Variants in CNTN4 observed in about 807,000 individuals in gnomAD.
The protein encoded by CNTN4 is contactin 4, also known as contactin-4.
In CNTN4, 77 loss-of-function variants were observed where a neutral mutation model predicts 122.5. That is an observed-to-expected ratio of 0.63 (90% CI 0.52 to 0.76). The LOEUF is 0.76. Ranked by LOEUF, CNTN4 falls within the 30% of genes least tolerant of loss-of-function variation. CNTN4 has a pLI of 0.00. For missense variants in CNTN4, 1,256 were observed against 1,259.1 expected, an observed-to-expected ratio of 1.00 and a Z score of 0.04; for synonymous variants, 512 against 447.0, an observed-to-expected ratio of 1.15 and a Z score of -1.83.
intron 2 of CNTN4, among the ~76,000 whole-genome samples, chr3:2,337,092 G>A (rs2043983560): frequency 6.6e-6 from 1 of 151,960 alleles, no homozygotes; most frequent in Non-Finnish European, 1.5e-5. Context: ...GCCTTCTTGG[G>A]GTCAGTCCCA....
chr3:2,495,246 G>A (rs1057485884), intron 3 of CNTN4, among the ~76,000 whole-genome samples: 6 of 152,118 alleles, frequency 3.9e-5, no homozygotes, highest in African/African-American at 1.4e-4. Context: ...AAATTGCCAA[G>A]TAGGAAATAA....
chr3:2,654,281 G>A (rs1031573317), intron 4 of CNTN4, among the ~76,000 whole-genome samples: 3 of 152,120 alleles, frequency 2.0e-5, no homozygotes, highest in Non-Finnish European at 4.4e-5. Flanking sequence ...TGTTTGTTGA[G>A]AATACTGTCT....
At position 2,561,126 on chromosome 3, in the gene CNTN4, A is replaced by C. The variant is rs973127319; in HGVS notation, c.-88-10290A>C. Among the ~76,000 whole-genome samples the C allele has an allele frequency of 1.8e-4, 28 of 152,284 alleles. 1 individual carries two copies. The highest frequency in any genetic ancestry group is 5.5e-4 in the African/African-American group (23 of 41,560). On this transcript the variant is annotated intron_variant, in intron 3 of 24. Coordinates refer to ENST00000418658, the MANE Select transcript of CNTN4 (RefSeq NM_175607.3). ...AAGTCACACGGTTCTTGCCACTTTT[A>C]ATCTGACACCTAATATATTAGGTAT...
At chr3:2,870,495 A>G (rs971283208) in intron 8 of CNTN4, among the ~76,000 whole-genome samples, 1 of 152,196 alleles carries the variant, frequency 6.6e-6, no homozygotes, top group Non-Finnish European at 1.5e-5. Context: ...TCAAGAAGAG[A>G]TTGCAAAATA....
At chr3:3,037,411 A>C (rs1393719130) in intron 18 of CNTN4, 83 bp downstream of exon 18, 22 of 1,570,384 alleles carry the variant, frequency 1.4e-5, no homozygotes, top group Admixed American at 5.0e-5. Context: ...GCTGCTCTTC[A>C]GCGCTCATGC....
intron 3 of CNTN4, among the ~76,000 whole-genome samples, chr3:2,464,069 C>T (rs1210556750): frequency 6.6e-6 from 1 of 152,156 alleles, no homozygotes; most frequent in Non-Finnish European, 1.5e-5. Context: ...CAGACCATTG[C>T]ACCAAGTTTG....
At chr3:2,130,698 C>G (rs1418090775) in intron 2 of CNTN4, among the ~76,000 whole-genome samples, 1 of 152,112 alleles carries the variant, frequency 6.6e-6, no homozygotes, top group Non-Finnish European at 1.5e-5. Context: ...TGTGGGATCC[C>G]TAGAGAGAAC....
chr3:2,598,867 C>G (rs1331240641), intron 4 of CNTN4, among the ~76,000 whole-genome samples: 2 of 151,746 alleles, frequency 1.3e-5, no homozygotes, highest in Non-Finnish European at 2.9e-5. Context: ...GAACAAATTG[C>G]CTCAAGCTCT....
intron 2 of CNTN4, 64 bp downstream of exon 2, chr3:2,100,703 G>A (rs2031865154): frequency 6.6e-6 from 1 of 152,188 alleles, no homozygotes; most frequent in Non-Finnish European, 1.5e-5. Context: ...TATCTGCAGT[G>A]GGTCGCAGGA....
At chr3:2,696,503 A>C (rs191552048) in intron 4 of CNTN4, among the ~76,000 whole-genome samples, 16 of 152,324 alleles carry the variant, frequency 1.1e-4, no homozygotes, top group Admixed American at 1.0e-3. Context: ...CCTTCAGACG[A>C]CACAGCCTCA....
chr3:2,886,143 A>G (rs2093974161), intron 9 of CNTN4, among the ~76,000 whole-genome samples: 2 of 152,220 alleles, frequency 1.3e-5, no homozygotes, highest in South Asian at 4.1e-4. Context: ...ATTTGCAGCT[A>G]TCTTTAATTT....
chr3:2,217,705 T>G (rs1408141320), intron 2 of CNTN4, among the ~76,000 whole-genome samples: 2 of 152,098 alleles, frequency 1.3e-5, no homozygotes, highest in Admixed American at 6.6e-5. Flanking sequence ...AAAAATCTCT[T>G]TAACAAGGGA....
At chr3:2,587,741 G>A (rs143137318) in intron 4 of CNTN4, among the ~76,000 whole-genome samples, 5 of 152,208 alleles carry the variant, frequency 3.3e-5, no homozygotes, top group African/African-American at 1.2e-4. Context: ...CTCCAGTTCA[G>A]TAAATAAATT....
chr3:2,283,064 G>A (rs943151327), intron 2 of CNTN4, among the ~76,000 whole-genome samples: 3 of 152,084 alleles, frequency 2.0e-5, no homozygotes, highest in African/African-American at 7.2e-5. Flanking sequence ...TGGAGTGGTG[G>A]TGGCTACACA....
chr3:2,307,008 T>G (rs2042733344), intron 2 of CNTN4, among the ~76,000 whole-genome samples: 1 of 152,218 alleles, frequency 6.6e-6, no homozygotes. Context: ...AAATCTAAAA[T>G]TTTCTGTGGA....
rs148404806 is a variant in CNTN4, at chr3:2,406,713, A to C, written c.-89+67480A>C. 5.0e-3 allele frequency among the ~76,000 whole-genome samples: 765 copies of C among 152,328 alleles called. 3 individuals are homozygous for C. Among genetic ancestry groups the C allele is most frequent in the African/African-American group, 0.017 (726 of 41,572 alleles). ...CATTGTCCATCTGTAAAGTTTGCCTAACAATACAGAGCCTGTTACAAAGTA... is the reference window on the plus strand; with the variant it reads ...CATTGTCCATCTGTAAAGTTTGCCTCACAATACAGAGCCTGTTACAAAGTA... On this transcript the variant is annotated intron_variant, in intron 3 of 24. Coordinates refer to ENST00000418658, the MANE Select transcript of CNTN4 (RefSeq NM_175607.3).
intron 14 of CNTN4, among the ~76,000 whole-genome samples, chr3:3,006,253 C>G (rs1004489005): frequency 3.3e-5 from 5 of 152,056 alleles, no homozygotes; most frequent in Admixed American, 3.3e-4. Context: ...TTCATGTCAC[C>G]CTCATGGGAA....
chr3:2,836,751 G>C, intron 7 of CNTN4, among the ~76,000 whole-genome samples: 1 of 130,460 alleles, frequency 7.7e-6, no homozygotes, highest in Non-Finnish European at 1.6e-5. Context: ...ATAATGAAGA[G>C]TAAAAAGATA....
At chr3:2,413,228 CAG>C (rs1172983917) in intron 3 of CNTN4, among the ~76,000 whole-genome samples, 2 of 152,168 alleles carry the variant, frequency 1.3e-5, no homozygotes, top group African/African-American at 4.8e-5. Context: ...TGATAACAAC[CAG>C]AGAGAGATTG....
Sources: allele counts gnomAD v4.1 joint callset (sites outside exome capture counted in the v4.1 genomes callset), GRCh38; gene constraint gnomAD v4.1.1; transcripts MANE v1.5; gene names NCBI Gene and HGNC (gene_info 2026-07-23, HGNC 2026-07-21).